TENM1: variants seen among roughly 807,000 people sequenced by gnomAD.
TENM1 encodes teneurin-1.
TENM1 carries 35 observed loss-of-function variants against 174.8 expected under a neutral mutation model. The ratio of observed to expected loss-of-function variants is 0.20; its 90% CI spans 0.15 to 0.27. The LOEUF is 0.27. Among genes scored for constraint, TENM1 ranks in the 10% least tolerant of loss-of-function variants. The pLI, the probability that TENM1 is intolerant of heterozygous loss-of-function variation, is 1.00. For missense variants in TENM1, 1,633 were observed against 2,130.1 expected, an observed-to-expected ratio of 0.77 and a Z score of 4.59; for synonymous variants, 781 against 798.7, an observed-to-expected ratio of 0.98 and a Z score of 0.37.
chrX:124,718,538 T>C (rs960349355), intron 4 of TENM1, among the ~76,000 whole-genome samples: 2 of 112,204 alleles, frequency 1.8e-5, no homozygotes, highest in South Asian at 3.7e-4. Flanking sequence ...ACAAGTTAAT[T>C]GGGGATAAAA....
Position 124,454,109 on chromosome X carries a change from A to G in TENM1, c.3950-618T>C, listed in dbSNP as rs190351464. On this transcript the variant is annotated intron_variant, in intron 22 of 31. Coordinates refer to ENST00000422452, the Ensembl canonical transcript of TENM1. ...AAAATTTTCACAGCAGTTTTTACAC[A>G]CAGTGTTAATTACAGCCTGGTTTCT... Among the ~76,000 whole-genome samples, 231 of 111,824 alleles carry G rather than the reference A, an allele frequency of 2.1e-3. 1 individual carries two copies. Among genetic ancestry groups the G allele is most frequent in the African/African-American group, 7.1e-3 (218 of 30,783 alleles).
chrX:124,675,328 C>G (rs890920219), intron 5 of TENM1, among the ~76,000 whole-genome samples: 1 of 110,896 alleles, frequency 9.0e-6, no homozygotes, highest in Non-Finnish European at 1.9e-5. Flanking sequence ...ACAACTAATA[C>G]AGTCTAACCA....
intron 3 of TENM1, among the ~76,000 whole-genome samples, chrX:124,847,996 T>C (rs2056642913): frequency 9.0e-6 from 1 of 111,411 alleles, no homozygotes; most frequent in Non-Finnish European, 1.9e-5. Flanking sequence ...CCTATTTTAC[T>C]TGTTTTAAGG....
chrX:124,529,715 T>C lies in TENM1; in HGVS notation c.2771+149A>G. 4.0e-6 allele frequency: 3 copies of C among 756,649 alleles called. No individual in the cohort carries two copies. The South Asian group carries it at 7.7e-5, about 19-fold the overall frequency. The allele number at this position is 756,649 out of a possible 1,213,427, so 62.4% of individuals were successfully genotyped here. A position where few individuals can be genotyped will look rare whatever the true frequency, so the allele number is the denominator to read the frequency against. The stretch of plus-strand genomic sequence containing the variant: ...AATCCAGTTTGAATTAATTAGGAAA[T>C]AGAGGAAATAAATATCACCAATGAC... On this transcript the variant is annotated intron_variant, in intron 16 of 31. Coordinates refer to ENST00000422452, the Ensembl canonical transcript of TENM1.
intron 3 of TENM1, among the ~76,000 whole-genome samples, chrX:124,877,405 G>T (rs763185010): frequency 8.9e-6 from 1 of 112,124 alleles, no homozygotes; most frequent in South Asian, 3.6e-4. Flanking sequence ...GTTCCTAACA[G>T]TGCTTATTTT....
intron 16 of TENM1, among the ~76,000 whole-genome samples, chrX:124,528,708 C>CAT (rs1161600674): frequency 9.2e-6 from 1 of 108,724 alleles, no homozygotes; most frequent in Non-Finnish European, 1.9e-5. Flanking sequence ...TATATATGTA[C>CAT]ATATATGTGT....
intron 11 of TENM1, among the ~76,000 whole-genome samples, chrX:124,585,915 A>G (rs1288522517): frequency 2.7e-5 from 3 of 111,068 alleles, no homozygotes; most frequent in African/African-American, 6.6e-5. Flanking sequence ...ATACCTCTAC[A>G]CAAATAAACT....
At chrX:125,184,552 A>T in the TENM1 span, among the ~76,000 whole-genome samples, 1 of 111,660 alleles carries the variant, frequency 9.0e-6, no homozygotes, top group Non-Finnish European at 1.9e-5. Context: ...TAAATTTCTG[A>T]TACAGACTAA....
intron 3 of TENM1, among the ~76,000 whole-genome samples, chrX:124,878,380 G>T (rs1278895203): frequency 9.0e-6 from 1 of 110,505 alleles, no homozygotes; most frequent in African/African-American, 3.3e-5. Context: ...ATATAGTTTT[G>T]CATATTTGTC....
chrX:124,450,359 C>CAAA (rs34309778), intron 23 of TENM1, among the ~76,000 whole-genome samples: 5 of 77,318 alleles, frequency 6.5e-5, no homozygotes, highest in Admixed American at 1.5e-4. Context: ...GACTCCGTCT[C>CAAA]AAAAAAAAAA....
intron 3 of TENM1, among the ~76,000 whole-genome samples, chrX:124,882,961 T>C (rs1467490617): frequency 8.9e-6 from 1 of 112,214 alleles, no homozygotes; most frequent in African/African-American, 3.2e-5. Context: ...GTAGAGATCT[T>C]TCACCTCCTT....
At chrX:124,801,633 G>A (rs929887848) in intron 3 of TENM1, among the ~76,000 whole-genome samples, 1 of 111,834 alleles carries the variant, frequency 8.9e-6, no homozygotes, top group Non-Finnish European at 1.9e-5. Flanking sequence ...TCATCATGAT[G>A]CTTTCTGGTT....
chrX:125,106,701 G>A, the TENM1 span, among the ~76,000 whole-genome samples: 1,883 of 112,087 alleles, frequency 0.017, 34 homozygotes, highest in African/African-American at 0.057. Flanking sequence ...GAGCCACTGC[G>A]CCCAGCCTAA....
chrX:124,864,579 C>T (rs184505715), intron 3 of TENM1, among the ~76,000 whole-genome samples: 44 of 111,147 alleles, frequency 4.0e-4, no homozygotes, highest in Non-Finnish European at 6.6e-4. Flanking sequence ...AGAACAAAAA[C>T]AAGAACAATA....
At position 124,897,820 on chromosome X, in the gene TENM1, G is replaced by A. The variant is rs946512945; in HGVS notation, c.218-1579C>T. Among the ~76,000 whole-genome samples, 6 of 112,127 alleles carry A rather than the reference G, an allele frequency of 5.4e-5. No homozygotes were observed. In the East Asian group the frequency reaches 1.1e-3, roughly 21 times the overall value. On this transcript the variant is annotated intron_variant, in intron 1 of 31. Coordinates refer to ENST00000422452, the Ensembl canonical transcript of TENM1. ...AAGGAGTAGTATTCAAAAAATAGTC[G>A]TGGTTTCCACTTGTCAAACATAACA... is the stretch of plus-strand genomic sequence containing the variant.
At chrX:124,451,199 T>C (rs2061031736) in intron 23 of TENM1, among the ~76,000 whole-genome samples, 1 of 111,008 alleles carries the variant, frequency 9.0e-6, no homozygotes, top group African/African-American at 3.3e-5. Flanking sequence ...TGTCTAATAC[T>C]GATTTTGTAG....
At chrX:124,708,928 G>A (rs2052977205) in intron 4 of TENM1, among the ~76,000 whole-genome samples, 2 of 111,142 alleles carry the variant, frequency 1.8e-5, no homozygotes, top group South Asian at 3.8e-4. Flanking sequence ...TTAAGTTAAC[G>A]TGATTTATTG....
At chrX:125,084,113 T>C in the TENM1 span, among the ~76,000 whole-genome samples, 4 of 110,718 alleles carry the variant, frequency 3.6e-5, no homozygotes, top group African/African-American at 1.3e-4. Context: ...ACCCTTTTAT[T>C]TCTCTTTGTT....
chrX:125,115,704 G>A, the TENM1 span, among the ~76,000 whole-genome samples: 1 of 110,877 alleles, frequency 9.0e-6, no homozygotes, highest in Non-Finnish European at 1.9e-5. Context: ...CCTCTTCAAG[G>A]AGAACTACAA....
Sources: gnomAD v4.1 joint callset for allele counts (sites outside exome capture counted in the v4.1 genomes callset) on GRCh38, gnomAD v4.1.1 for gene constraint, MANE v1.5 for transcripts, NCBI Gene and HGNC (gene_info 2026-07-23, HGNC 2026-07-21) for gene names.